The following PBK variants were observed in gnomAD, a reference collection of about 807,000 sequenced individuals.
PBK encodes the protein PDZ binding kinase.
A neutral mutation model predicts 33.5 loss-of-function variants in PBK; 22 were observed. The observed-to-expected ratio is 0.66, with a 90% CI of 0.47 to 0.94. The LOEUF is 0.94. Ranked by LOEUF, PBK falls within the 40% of genes least tolerant of loss-of-function variation. The pLI is 0.00. For synonymous variants in PBK, 129 were observed against 123.8 expected (o/e 1.04, Z -0.28); for missense variants, 376 against 383.4 (o/e 0.98, Z 0.16).
intron 1 of PBK, among the ~76,000 whole-genome samples, chr8:27,836,589 AAAAC>A (rs1339047845): frequency 6.6e-6 from 1 of 152,064 alleles, no homozygotes; most frequent in Non-Finnish European, 1.5e-5. Context: ...TGAGAAATGA[AAAAC>A]AAAGCAACCA....
At chr8:27,835,327 A>G (rs555877665) in intron 1 of PBK, among the ~76,000 whole-genome samples, 2 of 152,322 alleles carry the variant, frequency 1.3e-5, no homozygotes, top group Non-Finnish European at 2.9e-5. Flanking sequence ...TGTCAAGAGT[A>G]TAATAATTTT....
intron 6 of PBK, among the ~76,000 whole-genome samples, chr8:27,814,759 G>A (rs1415130075): frequency 6.6e-6 from 1 of 152,028 alleles, no homozygotes; most frequent in Non-Finnish European, 1.5e-5. Context: ...TTGACCCATA[G>A]GTTATTTAAA....
chr8:27,823,841 T>C (rs765642155), intron 3 of PBK, among the ~76,000 whole-genome samples: 8 of 152,028 alleles, frequency 5.3e-5, no homozygotes, highest in Non-Finnish European at 1.0e-4. Context: ...CCTAAATAGG[T>C]AAAATAAAGT....
At chr8:27,815,673 A>G (rs1036295078) in intron 6 of PBK, among the ~76,000 whole-genome samples, 5 of 152,214 alleles carry the variant, frequency 3.3e-5, no homozygotes, top group Non-Finnish European at 7.3e-5. Context: ...CATCAGGCTA[A>G]AAAGTAGTTT....
At chr8:27,837,585 C>A (rs981757943) in intron 1 of PBK, 67 bp downstream of exon 1, 5 of 152,282 alleles carry the variant, frequency 3.3e-5, no homozygotes, top group Admixed American at 1.3e-4. Flanking sequence ...GTCACGAAAG[C>A]CCCCGCAGAG....
At chr8:27,837,157 A>G (rs1485554590) in intron 1 of PBK, among the ~76,000 whole-genome samples, 1 of 151,058 alleles carries the variant, frequency 6.6e-6, no homozygotes, top group Non-Finnish European at 1.5e-5. Flanking sequence ...GGAATACGTA[A>G]GATATTTTTA....
At chr8:27,826,648 T>C (rs1381240627) in intron 3 of PBK, among the ~76,000 whole-genome samples, 2 of 123,070 alleles carry the variant, frequency 1.6e-5, no homozygotes, top group East Asian at 6.6e-4. Flanking sequence ...TACAAAAAAT[T>C]AGCCGGGCGT....
chr8:27,810,285 C>G lies in PBK; in HGVS notation c.*20G>C, dbSNP rs780898852. 1.9e-6 allele frequency: 3 copies of G among 1,546,406 alleles called. No individual in the cohort carries two copies. The highest frequency in any genetic ancestry group is 2.7e-6 in the Non-Finnish European group (3 of 1,122,544). ...AATAAACAGTTATTTACGCAAGCCA[C>G]ACTTCAGCTGAGATGATCACTAGAC... On this transcript the variant is annotated 3_prime_UTR_variant, in exon 8 of 8. Coordinates refer to ENST00000301905, the MANE Select transcript of PBK (RefSeq NM_018492.4).
At chr8:27,829,145 C>A (rs1440805852) in intron 2 of PBK, among the ~76,000 whole-genome samples, 1 of 152,190 alleles carries the variant, frequency 6.6e-6, no homozygotes, top group Non-Finnish European at 1.5e-5. Context: ...TGAACAGTTT[C>A]TCTTTGAGTG....
At chr8:27,829,968 T>C in intron 2 of PBK, among the ~76,000 whole-genome samples, 1 of 151,494 alleles carries the variant, frequency 6.6e-6, no homozygotes, top group East Asian at 2.0e-4. Context: ...TTTGGGAGGC[T>C]GAGGCAGGTG....
Position 27,810,374 on chromosome 8 carries a change from G to A in PBK, c.900C>T (p.Cys300=), listed in dbSNP as rs1267339930. 1.9e-6 allele frequency: 3 copies of A among 1,610,044 alleles called. No homozygotes were observed. The highest frequency in any genetic ancestry group is 3.3e-5 in the Admixed American group (2 of 59,982). ...YQKVIELFSV[C]TNEDPKDRPS... is the part of the protein sequence containing the mutation. ...GACGATCTTTAGGGTCTTCATTAGT[G>A]CATACAGAGAAGAGTTCAATTACTT... Residue 300 remains cysteine, a synonymous_variant, in exon 8 of 8, where the codon TGC becomes TGT. Coordinates refer to ENST00000301905, the MANE Select transcript of PBK (RefSeq NM_018492.4).
At chr8:27,819,681 G>C (rs1805882430) in intron 6 of PBK, among the ~76,000 whole-genome samples, 1 of 151,982 alleles carries the variant, frequency 6.6e-6, no homozygotes, top group South Asian at 2.1e-4. Flanking sequence ...TATTTACTCA[G>C]ATCTTTAACA....
chr8:27,821,366 G>A (rs111701597), intron 5 of PBK, among the ~76,000 whole-genome samples: 2,938 of 152,212 alleles, frequency 0.019, 103 homozygotes, highest in African/African-American at 0.067. Flanking sequence ...AAGTTCAAGC[G>A]ATTCTCCTGC....
At chr8:27,837,546 C>G (rs3735746) in intron 1 of PBK, 106 bp downstream of exon 1, 1 of 152,068 alleles carries the variant, frequency 6.6e-6, no homozygotes, top group East Asian at 1.9e-4. Context: ...TGCCAAAATC[C>G]TTCTTTGGCT....
At chr8:27,810,620 A>T in intron 7 of PBK, 119 bp from the exon 8 acceptor site, 1 of 631,416 alleles carries the variant, frequency 1.6e-6, no homozygotes, top group Non-Finnish European at 2.8e-6. Context: ...CCATTCTGCC[A>T]CAGACAGAAT....
chr8:27,815,425 C>A (rs1805790791), intron 6 of PBK, among the ~76,000 whole-genome samples: 1 of 152,084 alleles, frequency 6.6e-6, no homozygotes, highest in Non-Finnish European at 1.5e-5. Context: ...CTGCTTTGGG[C>A]ATTACAGTTT....
rs1585437725 is a variant in PBK, at chr8:27,834,440, G to C, written c.-20-1307C>G. On this transcript the variant is annotated intron_variant, in intron 1 of 7. Coordinates refer to ENST00000301905, the MANE Select transcript of PBK (RefSeq NM_018492.4). The stretch of plus-strand genomic sequence containing the variant: ...ATGCAGAATGACTGCCAGTGGGTAT[G>C]GGATTTCTTTCTGGGGTGAAGAAAA... 2.6e-5 allele frequency among the ~76,000 whole-genome samples: 4 copies of C among 152,306 alleles called. No individual in the cohort carries two copies. The East Asian group carries it at 5.8e-4, about 22-fold the overall frequency.
At chr8:27,817,067 C>A (rs1805831719) in intron 6 of PBK, among the ~76,000 whole-genome samples, 1 of 152,098 alleles carries the variant, frequency 6.6e-6, no homozygotes, top group Non-Finnish European at 1.5e-5. Context: ...GAAATGCCTT[C>A]CCTGAGCATA....
intron 2 of PBK, 132 bp from the exon 3 acceptor site, chr8:27,828,330 C>T: frequency 2.2e-6 from 1 of 449,388 alleles, no homozygotes; most frequent in Non-Finnish European, 3.9e-6. Context: ...AACATATATC[C>T]TAATTTTAAA....
Sources: allele counts gnomAD v4.1 joint callset (sites outside exome capture counted in the v4.1 genomes callset), GRCh38; gene constraint gnomAD v4.1.1; transcripts MANE v1.5; gene names NCBI Gene and HGNC (gene_info 2026-07-23, HGNC 2026-07-21).